Variants in PIAS4 observed in about 807,000 individuals in gnomAD.
PIAS4 encodes the protein E3 SUMO-protein ligase PIAS4.
In PIAS4, 7 loss-of-function variants were observed where a neutral mutation model predicts 58.0. That is an observed-to-expected ratio of 0.12 (90% CI 0.07 to 0.23). PIAS4 has a LOEUF of 0.23. Ranked by LOEUF, PIAS4 falls within the 10% of genes least tolerant of loss-of-function variation. PIAS4 has a pLI of 1.00. For missense variants in PIAS4, 550 were observed against 709.5 expected (o/e 0.78, Z 2.55); for synonymous variants, 364 against 312.4 (o/e 1.17, Z -1.74).
chr19:4,027,568 GT>G (rs914195264), intron 3 of PIAS4, among the ~76,000 whole-genome samples: 2 of 142,506 alleles, frequency 1.4e-5, no homozygotes, highest in South Asian at 2.2e-4. Flanking sequence ...ACTGGTTTTT[GT>G]TTTTTTTTTT....
intron 4 of PIAS4, 35 bp downstream of exon 4, chr19:4,028,222 A>AGCCCCC: frequency 6.4e-7 from 1 of 1,550,464 alleles, no homozygotes; most frequent in East Asian, 2.3e-5. Context: ...CCAGGGCTGG[A>AGCCCCC]CCCCCAGCCA....
chr19:4,039,375 G>A lies in PIAS4; in HGVS notation c.*1500G>A, dbSNP rs902992372. ...TTAAAAAATGCAAATAAAAAAGGTC[G>A]AGGTGAAGCCATCCAGGCGTCCGCT... On this transcript the variant is annotated 3_prime_UTR_variant, in exon 11 of 11. Coordinates refer to ENST00000262971, the MANE Select transcript of PIAS4 (RefSeq NM_015897.4). 3.3e-5 allele frequency: 5 copies of A among 152,212 alleles called. No individual in the cohort carries two copies. The highest frequency in any genetic ancestry group is 6.5e-5 in the Admixed American group (1 of 15,292). The allele number at this position is 152,212 out of a possible 1,614,324, so 9.4% of individuals were successfully genotyped here. A position where few individuals can be genotyped will look rare whatever the true frequency, so the allele number is the denominator to read the frequency against.
chr19:4,033,302 C>G, intron 8 of PIAS4, 118 bp from the exon 9 acceptor site: 1 of 1,331,552 alleles, frequency 7.5e-7, no homozygotes, highest in Non-Finnish European at 1.0e-6. Flanking sequence ...TCGTCCCCTC[C>G]GTGTTCCTGA....
At chr19:4,022,950 T>C (rs1459399419) in intron 2 of PIAS4, among the ~76,000 whole-genome samples, 1 of 151,498 alleles carries the variant, frequency 6.6e-6, no homozygotes, top group Non-Finnish European at 1.5e-5. Context: ...GGTGGGCAGA[T>C]CACCTGAGGT....
At chr19:4,034,067 C>G (rs1381814051) in intron 9 of PIAS4, among the ~76,000 whole-genome samples, 11 of 152,250 alleles carry the variant, frequency 7.2e-5, no homozygotes, top group Non-Finnish European at 1.3e-4. Flanking sequence ...CCACAGGGGA[C>G]AGGAGGACAA....
rs1440207071 is a variant in PIAS4, at chr19:4,023,662, G to A, written c.455-374G>A. On this transcript the variant is annotated intron_variant, in intron 2 of 10. Transcript: ENST00000262971. ...AGGAGGAGAGCAAGGGCCGGGTCCG[G>A]TTTGTGCTCAGGAGAGAGGAGGTAT... is the stretch of plus-strand genomic sequence containing the variant. Among the ~76,000 whole-genome samples, 3 of 152,186 alleles carry A rather than the reference G, an allele frequency of 2.0e-5. 1 individual carries two copies. The South Asian group carries it at 6.2e-4, about 32-fold the overall frequency.
chr19:4,037,931 G>A lies in PIAS4; in HGVS notation c.*56G>A. 6.6e-6 allele frequency: 10 copies of A among 1,516,280 alleles called. No homozygotes were observed. Among genetic ancestry groups the A allele is most frequent in the Non-Finnish European group, 8.8e-6 (10 of 1,136,680 alleles). 93.9% of individuals were successfully genotyped at this position (1,516,280 alleles called of 1,614,324 possible). Reference sequence around the variant, plus strand: ...TCACCACGCAGAGGGGCACGGGCCAGCCTCGGGCGCAGAGGGAGGAGTGAC... The same window carrying A: ...TCACCACGCAGAGGGGCACGGGCCAACCTCGGGCGCAGAGGGAGGAGTGAC... On this transcript the variant is annotated 3_prime_UTR_variant, in exon 11 of 11. Coordinates refer to ENST00000262971, the MANE Select transcript of PIAS4 (RefSeq NM_015897.4). The surrounding 1 kb of genome is among the most constrained non-coding windows in gnomAD (Gnocchi z 5.8).
chr19:4,028,596 T>C lies in PIAS4; in HGVS notation c.668T>C (p.Val223Ala). The change falls in exon 5 of 11, where the codon GTC (valine) becomes GCC (alanine). Residue 223 changes from valine to alanine, a missense_variant. By Grantham distance (64) the Val-to-Ala change is moderately conservative. Around this residue, in one of 4 missense-constraint regions of PIAS4, gnomAD observed 225 missense variants for 345.8 expected, o/e 0.65. Transcript: ENST00000262971. ...AVKVNHSYCS[V>A]PGYYPSNKPG... ...AAGGTCAACCACAGCTACTGCTCCG[T>C]CCCGGTGAGCATGCCCCGCCCCCGC... 6.2e-7 allele frequency: 1 copy of C among 1,612,564 alleles called. No individual in the cohort carries two copies. The highest frequency in any genetic ancestry group is 8.5e-7 in the Non-Finnish European group (1 of 1,179,720).
At chr19:4,028,208 G>C (rs767505230) in intron 4 of PIAS4, 21 bp downstream of exon 4, 2 of 1,606,432 alleles carry the variant, frequency 1.2e-6, no homozygotes, top group Non-Finnish European at 8.5e-7. Flanking sequence ...GTGTGCCCGC[G>C]ACCCCAGGGC....
chr19:4,014,551 C>G (rs1599216634), intron 2 of PIAS4, among the ~76,000 whole-genome samples: 2 of 152,360 alleles, frequency 1.3e-5, no homozygotes, highest in South Asian at 4.1e-4. Flanking sequence ...CTTCCTGCCT[C>G]CCCTCCCCTG....
intron 9 of PIAS4, 140 bp downstream of exon 9, chr19:4,033,720 C>A (rs1545347): frequency 4.3e-6 from 3 of 705,816 alleles, no homozygotes; most frequent in South Asian, 3.9e-5. Context: ...TTGGAAACCC[C>A]GGGCTGCGAA....
intron 2 of PIAS4, among the ~76,000 whole-genome samples, chr19:4,014,045 T>G (rs2040027340): frequency 1.3e-5 from 2 of 152,008 alleles, no homozygotes; most frequent in South Asian, 4.2e-4. Flanking sequence ...GAAAGGGGGC[T>G]GGCCAGTGGC....
chr19:4,024,571 G>C (rs1269273772), intron 3 of PIAS4, among the ~76,000 whole-genome samples: 1 of 152,238 alleles, frequency 6.6e-6, no homozygotes, highest in Admixed American at 6.5e-5. Flanking sequence ...ATCCCCAAGA[G>C]ACTCTGTGTC....
rs935509838 is a variant in PIAS4, at chr19:4,013,998, C to T, written c.454+649C>T. Among the ~76,000 whole-genome samples the T allele has an allele frequency of 6.6e-6, 1 of 152,068 alleles. No homozygotes were observed. Among genetic ancestry groups the T allele is most frequent in the African/African-American group, 2.4e-5 (1 of 41,386 alleles). On this transcript the variant is annotated intron_variant, in intron 2 of 10. Transcript: ENST00000262971. This position sits in a 1 kb window ranked among gnomAD's most constrained non-coding sequence, Gnocchi z 5.1. ...CTGCCAGGGCCAGGGGTGACCAGGG[C>T]CACCTGGGAGCCTGGTTTCCCTGCT...
rs773065787 is a variant in PIAS4 at position 4,013,224 on chromosome 19, T to C, written c.329T>C (p.Val110Ala). Residue 110 changes from valine (V) to alanine (A), a missense_variant, in exon 2 of 11, where the codon GTG becomes GCG. By Grantham distance (64) the Val-to-Ala change is moderately conservative. Transcript: ENST00000262971. The surrounding 1 kb of genome is among the most constrained non-coding windows in gnomAD (Gnocchi z 5.1). ...PLAGPNIDYPVLYGKYLNGLG... is the reference protein window; with the variant it reads ...PLAGPNIDYPALYGKYLNGLG... ...GCAGGCCCCAATATTGACTACCCCGTGCTCTACGGAAAGTACTTAAACGGA... is the reference window on the plus strand; with the variant it reads ...GCAGGCCCCAATATTGACTACCCCGCGCTCTACGGAAAGTACTTAAACGGA... 3.5e-5 allele frequency: 56 copies of C among 1,613,374 alleles called. No homozygotes were observed. In the South Asian group the frequency reaches 5.9e-4, roughly 17 times the overall value.
In PIAS4 at chr19:4,037,060, G is replaced by C. The variant is rs1001670038; in HGVS notation, c.1143-314G>C. Among the ~76,000 whole-genome samples, 14 of 151,728 alleles carry C rather than the reference G, an allele frequency of 9.2e-5. No individual in the cohort carries two copies. The highest frequency in any genetic ancestry group is 2.1e-4 in the Non-Finnish European group (14 of 68,046). ...ACACCCGGAGGTGCCCAGAGGGGCA[G>C]GGTGGGGAGGACCCCTGCAGCTGCC... is the stretch of plus-strand genomic sequence containing the variant. On this transcript the variant is annotated intron_variant, in intron 9 of 10. Coordinates refer to ENST00000262971, the MANE Select transcript of PIAS4 (RefSeq NM_015897.4). This position sits in a 1 kb window ranked among gnomAD's most constrained non-coding sequence, Gnocchi z 5.8.
At chr19:4,009,163 C>T (rs2144901075) in intron 1 of PIAS4, among the ~76,000 whole-genome samples, 1 of 152,172 alleles carries the variant, frequency 6.6e-6, no homozygotes, top group South Asian at 2.1e-4. Flanking sequence ...TTCACATCTT[C>T]CCTCCCCACG....
chr19:4,017,932 C>T (rs1047840658), intron 2 of PIAS4: 1 of 152,228 alleles, frequency 6.6e-6, no homozygotes, highest in Non-Finnish European at 1.5e-5. Context: ...ACCTTGGCCT[C>T]CCAAAGTGCT....
intron 2 of PIAS4, among the ~76,000 whole-genome samples, chr19:4,018,169 T>C (rs1955782652): frequency 6.6e-6 from 1 of 152,236 alleles, no homozygotes; most frequent in African/African-American, 2.4e-5. Context: ...TGTACAATTA[T>C]GCGCTTGTCC....
Sources: allele counts gnomAD v4.1 joint callset (sites outside exome capture counted in the v4.1 genomes callset), GRCh38; gene constraint gnomAD v4.1.1; regional missense constraint gnomAD v4.1.1; non-coding constraint Gnocchi (gnomAD v3.1); transcripts MANE v1.5; gene names NCBI Gene and HGNC (gene_info 2026-07-23, HGNC 2026-07-21).